ZFHX3: variants seen among roughly 807,000 people sequenced by gnomAD.
ZFHX3 encodes the protein zinc finger homeobox 3.
ZFHX3 carries 42 observed loss-of-function variants against 279.1 expected under a neutral mutation model. That is an observed-to-expected ratio of 0.15 (90% CI 0.12 to 0.19). ZFHX3 has a LOEUF of 0.19. ZFHX3 is among the 10% of genes least tolerant of loss of function. The probability of loss-of-function intolerance (pLI) is 1.00; values close to 1 mark genes in which losing one functional copy is unlikely to be tolerated. For synonymous variants in ZFHX3, 2,293 were observed against 1,957.8 expected, an observed-to-expected ratio of 1.17 and a Z score of -4.52; for missense variants, 4,981 against 4,754.0, an observed-to-expected ratio of 1.05 and a Z score of -1.40.
chr16:73,845,687 G>T (rs1223060304), intron 1 of ZFHX3, among the ~76,000 whole-genome samples: 1 of 152,178 alleles, frequency 6.6e-6, no homozygotes. Context: ...AACATGCGTT[G>T]TCATGGATCA....
intron 9 of ZFHX3, chr16:72,789,928 T>G (rs1311595835): frequency 6.6e-6 from 1 of 152,276 alleles, no homozygotes; most frequent in Non-Finnish European, 1.5e-5. Flanking sequence ...CTGACACCAA[T>G]TCCCAAGACA....
Position 72,798,535 on chromosome 16 carries a change from C to G in ZFHX3, c.4147G>C (p.Glu1383Gln). Residue 1383 changes from glutamate (E) to glutamine (Q), a missense_variant, in exon 9 of 10, where the codon GAA (glutamate) becomes CAA (glutamine). Glu to Gln is a conservative substitution (Grantham distance 29). This residue lies in a region of ZFHX3 where 1,751 missense variants were observed against 1,770.0 expected (regional missense o/e 0.99). Transcript: ENST00000268489. ...AGCTGAGGCCTCTTGGCATGCACTT[C>G]ATTAAAATGCGTCTGAAGGGCAGCA... Reference protein sequence around the residue: ...TSAALQTHFNEVHAKRPQLPV... With the variant: ...TSAALQTHFNQVHAKRPQLPV... The G allele has an allele frequency of 6.2e-7, 1 of 1,614,210 alleles. No individual in the cohort carries two copies. Among genetic ancestry groups the G allele is most frequent in the Non-Finnish European group, 8.5e-7 (1 of 1,180,038 alleles).
intron 5 of ZFHX3, among the ~76,000 whole-genome samples, chr16:73,176,041 A>AT (rs2144872954): frequency 6.6e-6 from 1 of 152,282 alleles, no homozygotes; most frequent in African/African-American, 2.4e-5. Flanking sequence ...GGCTATGCCA[A>AT]TTCTCCTCTC....
intron 2 of ZFHX3, among the ~76,000 whole-genome samples, chr16:73,475,090 G>C (rs142140702): frequency 1.4e-3 from 207 of 152,092 alleles, no homozygotes; most frequent in Middle Eastern, 6.8e-3. Context: ...CTGACTCTTC[G>C]ATCCATTTCT....
chr16:72,789,628 GAGA>G (rs1252416554), intron 9 of ZFHX3: 3 of 152,302 alleles, frequency 2.0e-5, no homozygotes, highest in Admixed American at 2.0e-4. Flanking sequence ...GGAGGGTAGA[GAGA>G]AGATGATGAA....
chr16:73,368,453 C>G (rs1043317524), intron 3 of ZFHX3, among the ~76,000 whole-genome samples: 1 of 152,052 alleles, frequency 6.6e-6, no homozygotes, highest in South Asian at 2.1e-4. Flanking sequence ...TCTAGCTGAG[C>G]CTTGGATGAG....
intron 1 of ZFHX3, among the ~76,000 whole-genome samples, chr16:72,988,663 G>T (rs996464242): frequency 6.6e-6 from 1 of 152,152 alleles, no homozygotes; most frequent in Non-Finnish European, 1.5e-5. Context: ...ATCTATAAAG[G>T]CAGGTATCAT....
intron 4 of ZFHX3, among the ~76,000 whole-genome samples, chr16:72,840,698 GA>G (rs1354814709): frequency 6.6e-6 from 1 of 152,176 alleles, no homozygotes; most frequent in African/African-American, 2.4e-5. Context: ...AACCTATTCA[GA>G]AAACAGCTTC....
intron 6 of ZFHX3, among the ~76,000 whole-genome samples, chr16:73,138,719 A>C (rs1447126193): frequency 6.6e-6 from 1 of 151,742 alleles, no homozygotes; most frequent in East Asian, 1.9e-4. Flanking sequence ...ATAGGGTCTC[A>C]CTCTGTCACC....
intron 1 of ZFHX3, among the ~76,000 whole-genome samples, chr16:73,695,376 A>G (rs2053188794): frequency 6.6e-6 from 1 of 151,866 alleles, no homozygotes; most frequent in Non-Finnish European, 1.5e-5. Flanking sequence ...AGCTGAGATT[A>G]TAGGCACCCA....
chr16:72,965,696 G>A (rs1961802204), intron 1 of ZFHX3, among the ~76,000 whole-genome samples: 1 of 152,174 alleles, frequency 6.6e-6, no homozygotes, highest in South Asian at 2.1e-4. Context: ...AGGGGAAAGA[G>A]TGATGTGTGT....
chr16:73,839,587 T>G (rs145367588), intron 1 of ZFHX3, among the ~76,000 whole-genome samples: 2 of 152,222 alleles, frequency 1.3e-5, no homozygotes, highest in East Asian at 3.9e-4. Context: ...CAGAATAAAA[T>G]GTTCAAGGGG....
chr16:73,014,544 T>TTTTTTTTG (rs1414520446), intron 1 of ZFHX3: 4 of 143,392 alleles, frequency 2.8e-5, no homozygotes, highest in African/African-American at 1.1e-4. Context: ...TTTTTTTTTT[T>TTTTTTTTG]TTGAGACACA....
chr16:73,293,950 CT>C (rs1246263497), intron 4 of ZFHX3: 1 of 124,802 alleles, frequency 8.0e-6, no homozygotes, highest in Non-Finnish European at 1.6e-5. Flanking sequence ...ACTAGAAAAC[CT>C]TTGCATTATT....
intron 1 of ZFHX3, among the ~76,000 whole-genome samples, chr16:73,712,173 G>T (rs574691030): frequency 1.3e-5 from 2 of 152,002 alleles, no homozygotes; most frequent in African/African-American, 4.8e-5. Flanking sequence ...CAGCTTTGTC[G>T]CCACCAAGTT....
chr16:73,849,755 C>T (rs1040341777), intron 1 of ZFHX3, among the ~76,000 whole-genome samples: 1 of 152,162 alleles, frequency 6.6e-6, no homozygotes, highest in African/African-American at 2.4e-5. Context: ...ATTTTTGAGA[C>T]GGACTCTCGC....
intron 4 of ZFHX3, among the ~76,000 whole-genome samples, chr16:72,859,704 C>T (rs1382384381): frequency 1.3e-5 from 2 of 152,188 alleles, no homozygotes; most frequent in Non-Finnish European, 2.9e-5. Context: ...TTTACTGAGA[C>T]CATCCTTTAG....
chr16:73,709,126 C>T (rs1021359205), intron 1 of ZFHX3, among the ~76,000 whole-genome samples: 1 of 152,100 alleles, frequency 6.6e-6, no homozygotes, highest in Non-Finnish European at 1.5e-5. Flanking sequence ...ATGGCCAAGA[C>T]ATGAAATCAT....
At chr16:73,002,987 C>A (rs1053240502) in intron 1 of ZFHX3, among the ~76,000 whole-genome samples, 2 of 152,192 alleles carry the variant, frequency 1.3e-5, no homozygotes, top group African/African-American at 4.8e-5. Context: ...CTCTTCTATG[C>A]ATATTTTAAA....
Sources: allele counts gnomAD v4.1 joint callset (sites outside exome capture counted in the v4.1 genomes callset), GRCh38; gene constraint gnomAD v4.1.1; regional missense constraint gnomAD v4.1.1; transcripts MANE v1.5; gene names NCBI Gene and HGNC (gene_info 2026-07-23, HGNC 2026-07-21).